Variants in CADPS observed in about 807,000 individuals in gnomAD.
The protein encoded by CADPS is calcium-dependent secretion activator 1.
Under a neutral mutation model 167.3 loss-of-function variants are expected in CADPS, and 57 were observed. That is an observed-to-expected ratio of 0.34 (90% CI 0.28 to 0.42). CADPS has a LOEUF of 0.42. Ranked by LOEUF, CADPS falls within the 20% of genes least tolerant of loss-of-function variation. The pLI is 1.00. For synonymous variants in CADPS, 676 were observed against 635.3 expected (o/e 1.06, Z -0.96); for missense variants, 1,414 against 1,738.1 (o/e 0.81, Z 3.32).
intron 6 of CADPS, among the ~76,000 whole-genome samples, chr3:62,609,772 G>C (rs1040624142): frequency 2.6e-5 from 4 of 152,162 alleles, no homozygotes; most frequent in Non-Finnish European, 4.4e-5. Flanking sequence ...AGAAGTGACA[G>C]AAGTTTAAAA....
intron 4 of CADPS, among the ~76,000 whole-genome samples, 158 bp downstream of exon 4, chr3:62,662,156 T>G (rs1266613459): frequency 1.3e-5 from 2 of 151,988 alleles, no homozygotes; most frequent in African/African-American, 4.8e-5. Context: ...AGAGCTTGCC[T>G]TGAGAAAGGA....
chr3:62,703,619 A>G (rs13076035), intron 3 of CADPS, among the ~76,000 whole-genome samples: 12,093 of 152,080 alleles, frequency 0.08, 638 homozygotes, highest in Non-Finnish European at 0.12. Flanking sequence ...ACATGCCCTG[A>G]GGAGGGAGTT....
intron 17 of CADPS, among the ~76,000 whole-genome samples, chr3:62,511,625 T>G (rs921075606): frequency 1.3e-5 from 2 of 152,188 alleles, no homozygotes; most frequent in African/African-American, 4.8e-5. Flanking sequence ...TTCCCAATCC[T>G]AGCTCCCCTT....
At chr3:62,678,142 A>G (rs2076608448) in intron 3 of CADPS, among the ~76,000 whole-genome samples, 1 of 152,054 alleles carries the variant, frequency 6.6e-6, no homozygotes, top group Non-Finnish European at 1.5e-5. Context: ...CCACACCTTC[A>G]ACCTGTTGCT....
At chr3:62,857,656 T>C (rs145269667) in intron 1 of CADPS, among the ~76,000 whole-genome samples, 1,555 of 152,174 alleles carry the variant, frequency 0.01, 20 homozygotes, top group South Asian at 0.017. Context: ...TATAAAAGCA[T>C]ATATAATATT....
intron 16 of CADPS, among the ~76,000 whole-genome samples, chr3:62,515,599 G>T (rs2151645772): frequency 6.6e-6 from 1 of 152,068 alleles, no homozygotes; most frequent in Admixed American, 6.6e-5. Context: ...AAAAGACAAG[G>T]TACTTTTGGG....
intron 3 of CADPS, among the ~76,000 whole-genome samples, chr3:62,741,861 A>G (rs899179991): frequency 3.3e-5 from 5 of 152,334 alleles, no homozygotes; most frequent in African/African-American, 9.6e-5. Context: ...ACATGATCCT[A>G]TATCTATAAA....
chr3:62,434,892 A>G (rs1393086299), intron 28 of CADPS, among the ~76,000 whole-genome samples: 1 of 152,220 alleles, frequency 6.6e-6, no homozygotes, highest in Non-Finnish European at 1.5e-5. Flanking sequence ...AGGACTTATC[A>G]GGTAAATAAA....
chr3:62,415,797 T>C (rs1179420136), intron 28 of CADPS, among the ~76,000 whole-genome samples: 1 of 151,744 alleles, frequency 6.6e-6, no homozygotes, highest in African/African-American at 2.4e-5. Flanking sequence ...AGGCACGGAG[T>C]GATTATTGTT....
At chr3:62,683,030 C>T (rs1014193418) in intron 3 of CADPS, among the ~76,000 whole-genome samples, 4 of 151,980 alleles carry the variant, frequency 2.6e-5, no homozygotes, top group African/African-American at 9.7e-5. Flanking sequence ...GGCCTGTGGC[C>T]AGAGGAAATG....
chr3:62,737,220 G>A (rs1167803820), intron 3 of CADPS, among the ~76,000 whole-genome samples: 1 of 151,996 alleles, frequency 6.6e-6, no homozygotes, highest in Non-Finnish European at 1.5e-5. Context: ...AAGCCAAGGT[G>A]GGAAGATCAC....
intron 3 of CADPS, among the ~76,000 whole-genome samples, chr3:62,715,429 A>ATT (rs2084325600): frequency 6.7e-6 from 1 of 148,796 alleles, no homozygotes; most frequent in South Asian, 2.1e-4. Flanking sequence ...ATTTATATAT[A>ATT]TTTTTGCTGG....
intron 26 of CADPS, among the ~76,000 whole-genome samples, chr3:62,461,892 G>A (rs913190481): frequency 8.5e-5 from 13 of 152,190 alleles, no homozygotes; most frequent in Non-Finnish European, 1.5e-4. Context: ...TTTCTAGCTC[G>A]TTGCTGTGTC....
At chr3:62,696,670 G>A (rs1163902345) in intron 3 of CADPS, among the ~76,000 whole-genome samples, 1 of 152,040 alleles carries the variant, frequency 6.6e-6, no homozygotes, top group Non-Finnish European at 1.5e-5. Flanking sequence ...TACCTTTGTA[G>A]TTACCCAGTT....
At chr3:62,645,956 C>T in intron 5 of CADPS, 113 bp from the exon 6 acceptor site, 2 of 1,200,194 alleles carry the variant, frequency 1.7e-6, no homozygotes, top group South Asian at 1.4e-5. Context: ...TATCTGATGG[C>T]TTCTGTTAGG....
intron 1 of CADPS, among the ~76,000 whole-genome samples, chr3:62,784,616 A>G (rs1340416837): frequency 6.6e-6 from 1 of 152,202 alleles, no homozygotes; most frequent in African/African-American, 2.4e-5. Flanking sequence ...TAATGTGATA[A>G]TCACTGGATC....
At chr3:62,809,978 T>C (rs1459616383) in intron 1 of CADPS, among the ~76,000 whole-genome samples, 1 of 152,176 alleles carries the variant, frequency 6.6e-6, no homozygotes, top group Admixed American at 6.5e-5. Context: ...AAATAATCTT[T>C]GAATACCAGG....
At chr3:62,568,595 C>T (rs2080729425) in intron 9 of CADPS, among the ~76,000 whole-genome samples, 1 of 152,180 alleles carries the variant, frequency 6.6e-6, no homozygotes, top group Non-Finnish European at 1.5e-5. Context: ...CTGTTGGCTT[C>T]CTTTGTTTTG....
intron 24 of CADPS, among the ~76,000 whole-genome samples, chr3:62,471,035 C>T (rs1459729609): frequency 2.0e-5 from 3 of 152,200 alleles, no homozygotes; most frequent in African/African-American, 7.2e-5. Flanking sequence ...AGACAACTTT[C>T]TGATTTTATA....
Sources: allele counts gnomAD v4.1 joint callset (sites outside exome capture counted in the v4.1 genomes callset), GRCh38; gene constraint gnomAD v4.1.1; transcripts MANE v1.5; gene names NCBI Gene and HGNC (gene_info 2026-07-23, HGNC 2026-07-21).